The following GALNTL6 variants were observed in gnomAD, a reference collection of about 807,000 sequenced individuals.
GALNTL6 encodes polypeptide N-acetylgalactosaminyltransferase-like 6.
Under a neutral mutation model 73.7 loss-of-function variants are expected in GALNTL6, and 46 were observed. That is an observed-to-expected ratio of 0.62 (90% CI 0.49 to 0.80). GALNTL6 has a LOEUF of 0.80. Ranked by LOEUF, GALNTL6 falls within the 30% of genes least tolerant of loss-of-function variation. The pLI, the probability that GALNTL6 is intolerant of heterozygous loss-of-function variation, is 0.00. For missense variants in GALNTL6, 604 were observed against 755.0 expected (o/e 0.80, Z 2.34); for synonymous variants, 259 against 263.7 (o/e 0.98, Z 0.17).
intron 2 of GALNTL6, among the ~76,000 whole-genome samples, chr4:172,081,174 C>T (rs78056267): frequency 0.022 from 3,354 of 152,270 alleles, 64 homozygotes; most frequent in Non-Finnish European, 0.038. Context: ...GAACCGAGCC[C>T]TCAAAAGGGC....
chr4:172,521,024 A>G (rs2110816996), intron 5 of GALNTL6, among the ~76,000 whole-genome samples: 1 of 152,224 alleles, frequency 6.6e-6, no homozygotes, highest in South Asian at 2.1e-4. Context: ...TAGAGGAAAA[A>G]GTGAAAAGAT....
chr4:172,231,404 C>T (rs547450345), intron 3 of GALNTL6, among the ~76,000 whole-genome samples: 11 of 152,114 alleles, frequency 7.2e-5, no homozygotes, highest in African/African-American at 2.7e-4. Context: ...TATAATTATC[C>T]CAAATTAAGT....
intron 2 of GALNTL6, among the ~76,000 whole-genome samples, chr4:171,890,602 G>A (rs1736733293): frequency 6.6e-6 from 1 of 152,066 alleles, no homozygotes; most frequent in Non-Finnish European, 1.5e-5. Context: ...TTCTAATGAA[G>A]ATCTTCAAAT....
chr4:172,013,494 TC>T (rs199952685), intron 2 of GALNTL6, among the ~76,000 whole-genome samples: 2 of 67,508 alleles, frequency 3.0e-5, no homozygotes, highest in African/African-American at 7.7e-5. Context: ...AGGATTTTAT[TC>T]TTTTTTTAAG....
At chr4:172,702,043 A>G (rs1240311670) in intron 5 of GALNTL6, among the ~76,000 whole-genome samples, 1 of 152,088 alleles carries the variant, frequency 6.6e-6, no homozygotes, top group Non-Finnish European at 1.5e-5. Context: ...ATATTTTACT[A>G]TTTCTGGATA....
chr4:172,087,561 G>A (rs183660545), intron 2 of GALNTL6, among the ~76,000 whole-genome samples: 258 of 151,848 alleles, frequency 1.7e-3, no homozygotes, highest in African/African-American at 5.9e-3. Context: ...ATTGCTAAGC[G>A]AAAGCAAGGT....
At chr4:172,980,135 A>T (rs1389333649) in intron 10 of GALNTL6, among the ~76,000 whole-genome samples, 7 of 152,212 alleles carry the variant, frequency 4.6e-5, no homozygotes, top group Non-Finnish European at 1.0e-4. Context: ...ACAGAAAAGG[A>T]ATTAGGTCCT....
intron 5 of GALNTL6, among the ~76,000 whole-genome samples, chr4:172,434,692 A>G (rs541928000): frequency 5.3e-5 from 8 of 152,184 alleles, no homozygotes; most frequent in Non-Finnish European, 1.2e-4. Context: ...CATTCTTAAT[A>G]CCAAGTGATG....
At chr4:172,588,910 A>G (rs1429292128) in intron 5 of GALNTL6, among the ~76,000 whole-genome samples, 6 of 152,232 alleles carry the variant, frequency 3.9e-5, no homozygotes, top group African/African-American at 1.2e-4. Flanking sequence ...GTTTATGTGG[A>G]GAAAAATGGC....
Position 172,031,185 on chromosome 4 carries a change from T to C in GALNTL6, c.139-198471T>C, listed in dbSNP as rs75008132. 2.3e-4 allele frequency among the ~76,000 whole-genome samples: 35 copies of C among 151,410 alleles called. No individual in the cohort carries two copies. The East Asian group carries it at 6.1e-3, about 26-fold the overall frequency. Reference sequence around the variant, plus strand: ...AGATCAAGTGTGTCACCATGACAACTTGGAGAATTTCACCTGGGGGAGAGG... The same window carrying C: ...AGATCAAGTGTGTCACCATGACAACCTGGAGAATTTCACCTGGGGGAGAGG... On this transcript the variant is annotated intron_variant, in intron 2 of 12. Transcript: ENST00000506823.
At chr4:172,241,627 A>T (rs948884848) in intron 3 of GALNTL6, among the ~76,000 whole-genome samples, 7 of 152,234 alleles carry the variant, frequency 4.6e-5, no homozygotes, top group African/African-American at 1.7e-4. Context: ...CCAACATTGC[A>T]GGACCAGGAA....
intron 2 of GALNTL6, among the ~76,000 whole-genome samples, chr4:172,043,293 T>C (rs948466843): frequency 6.6e-6 from 1 of 151,962 alleles, no homozygotes; most frequent in African/African-American, 2.4e-5. Flanking sequence ...TGGATTCCTT[T>C]TGTGTGTGTG....
intron 2 of GALNTL6, among the ~76,000 whole-genome samples, chr4:172,128,126 TAAAC>T (rs869162792): frequency 3.0e-4 from 46 of 152,022 alleles, no homozygotes; most frequent in African/African-American, 1.1e-3. Context: ...AAAAAGTGTC[TAAAC>T]AGTAAACTCA....
At position 172,685,776 on chromosome 4, in the gene GALNTL6, AT is replaced by A. The variant is rs539211239; in HGVS notation, c.554-123584del. On this transcript the variant is annotated intron_variant, in intron 5 of 12. Coordinates refer to ENST00000506823, the MANE Select transcript of GALNTL6 (RefSeq NM_001034845.3). The stretch of plus-strand genomic sequence containing the variant: ...CAGCCAGGCGACTTTAGAAAAAAAA[AT>A]ATCCCTATTGTTTTCATAGCACATT... Among the ~76,000 whole-genome samples, 96 of 152,266 alleles carry A rather than the reference AT, an allele frequency of 6.3e-4. 1 individual carries two copies. The highest frequency in any genetic ancestry group is 1.9e-3 in the South Asian group (9 of 4,828).
intron 5 of GALNTL6, among the ~76,000 whole-genome samples, chr4:172,585,955 A>G (rs1053168403): frequency 6.6e-6 from 1 of 152,220 alleles, no homozygotes; most frequent in Admixed American, 6.5e-5. Context: ...CAAAACGACA[A>G]TGAGACACCA....
At chr4:171,853,715 G>C (rs190472497) in intron 2 of GALNTL6, among the ~76,000 whole-genome samples, 1 of 141,198 alleles carries the variant, frequency 7.1e-6, no homozygotes, top group Non-Finnish European at 1.5e-5. Context: ...AGGTCCAAGC[G>C]ATTCTCCTGC....
chr4:171,891,330 G>T (rs1369221432), intron 2 of GALNTL6, among the ~76,000 whole-genome samples: 5 of 152,146 alleles, frequency 3.3e-5, no homozygotes, highest in African/African-American at 1.2e-4. Flanking sequence ...CAGCGTTCTT[G>T]GAGTCTGTTT....
At chr4:172,002,088 G>A (rs1740693636) in intron 2 of GALNTL6, among the ~76,000 whole-genome samples, 1 of 152,132 alleles carries the variant, frequency 6.6e-6, no homozygotes, top group African/African-American at 2.4e-5. Context: ...TTCTCACAGA[G>A]CTATCCAAAG....
At chr4:171,918,024 T>C (rs1246175725) in intron 2 of GALNTL6, among the ~76,000 whole-genome samples, 2 of 152,100 alleles carry the variant, frequency 1.3e-5, no homozygotes, top group East Asian at 3.9e-4. Context: ...TTTCTTAACA[T>C]ATGTAACAAA....
Sources: gnomAD v4.1 joint callset for allele counts (sites outside exome capture counted in the v4.1 genomes callset) on GRCh38, gnomAD v4.1.1 for gene constraint, MANE v1.5 for transcripts, NCBI Gene and HGNC (gene_info 2026-07-23, HGNC 2026-07-21) for gene names.